Variants in KCNAB2 observed in about 807,000 individuals in gnomAD.
The protein encoded by KCNAB2 is potassium voltage-gated channel subfamily A regulatory beta subunit 2, also known as voltage-gated potassium channel subunit beta-2.
KCNAB2 carries 29 observed loss-of-function variants against 63.6 expected under a neutral mutation model. That is an observed-to-expected ratio of 0.46 (90% CI 0.34 to 0.62). KCNAB2 has a LOEUF of 0.62. Among genes scored for constraint, KCNAB2 ranks in the 20% least tolerant of loss-of-function variants. The probability of loss-of-function intolerance (pLI) is 0.01; values close to 1 mark genes in which losing one functional copy is unlikely to be tolerated. For missense variants in KCNAB2, 359 were observed against 563.9 expected, an observed-to-expected ratio of 0.64 and a Z score of 3.68; for synonymous variants, 222 against 224.2, an observed-to-expected ratio of 0.99 and a Z score of 0.09.
chr1:5,997,685 G>A (rs1225940068), intron 1 of KCNAB2, among the ~76,000 whole-genome samples: 2 of 152,276 alleles, frequency 1.3e-5, no homozygotes, highest in South Asian at 4.1e-4. Context: ...CTAGAATTCT[G>A]CCTCGGAGCC....
chr1:6,054,056 AAAG>A (rs778542488), intron 2 of KCNAB2, among the ~76,000 whole-genome samples: 52 of 151,506 alleles, frequency 3.4e-4, no homozygotes, highest in African/African-American at 4.4e-4. Context: ...AAAAAAAAAA[AAAG>A]AAGAAGAAGA....
intron 2 of KCNAB2, among the ~76,000 whole-genome samples, chr1:6,055,849 G>A (rs1557461246): frequency 6.6e-6 from 1 of 152,214 alleles, no homozygotes; most frequent in Non-Finnish European, 1.5e-5. Flanking sequence ...AATTTATTCT[G>A]TGCTTACCTC....
At chr1:6,091,388 C>G in intron 10 of KCNAB2, 81 bp downstream of exon 10, 2 of 1,042,384 alleles carry the variant, frequency 1.9e-6, no homozygotes, top group East Asian at 5.2e-5. Context: ...TTACATGATT[C>G]TTTTACCCCA....
chr1:6,015,108 C>T (rs1200366810), intron 1 of KCNAB2, among the ~76,000 whole-genome samples: 1 of 149,228 alleles, frequency 6.7e-6, no homozygotes, highest in Non-Finnish European at 1.5e-5. Flanking sequence ...CTCAGCTCAC[C>T]ACAACTTCCA....
upstream of KCNAB2, among the ~76,000 whole-genome samples, chr1:6,045,159 G>A (rs1171996588): frequency 3.9e-5 from 6 of 152,162 alleles, no homozygotes; most frequent in African/African-American, 1.4e-4. The surrounding 1 kb of genome is among the most constrained non-coding windows in gnomAD (Gnocchi z 4.8). Flanking sequence ...TGCGACTGGG[G>A]CACTGATTTC....
In KCNAB2 at chr1:6,028,924, G is replaced by C. The variant is rs1365147077; in HGVS notation, c.-52-11593G>C. Among the ~76,000 whole-genome samples, 1 of 152,208 alleles carries C rather than the reference G, an allele frequency of 6.6e-6. No homozygotes were observed. The highest frequency in any genetic ancestry group is 2.4e-5 in the African/African-American group (1 of 41,462). On this transcript the variant is annotated intron_variant, in intron 1 of 16. Coordinates refer to the KCNAB2 transcript ENST00000341524. This position sits in a 1 kb window ranked among gnomAD's most constrained non-coding sequence, Gnocchi z 4.0. ...ACCTTTGAGCTTCCAGGATGATTCG[G>C]AATTTGGATGCAGCCACAGAAAGCC...
At chr1:6,063,901 G>A (rs541376287) in intron 2 of KCNAB2, among the ~76,000 whole-genome samples, 95 of 151,370 alleles carry the variant, frequency 6.3e-4, no homozygotes, top group Admixed American at 2.6e-3. Context: ...CATAGCTAGC[G>A]GGGGGATTGC....
At chr1:6,039,495 G>A (rs1047540152) in intron 1 of KCNAB2, among the ~76,000 whole-genome samples, 2 of 152,228 alleles carry the variant, frequency 1.3e-5, no homozygotes, top group Middle Eastern at 3.4e-3. Context: ...GTGGGTGGAC[G>A]GCTGGATATT....
At position 6,100,350 on chromosome 1, in the gene KCNAB2, A is replaced by G. The variant is rs1665951095; in HGVS notation, c.*1776A>G. The G allele has an allele frequency of 7.4e-6, 2 of 268,616 alleles. No homozygotes were observed. The highest frequency in any genetic ancestry group is 1.4e-5 in the Non-Finnish European group (2 of 143,230). 16.6% of individuals were successfully genotyped at this position (268,616 alleles called of 1,614,324 possible). ...ACTCAGTCCTGCTGCCTGCTTCACCAGAAGCAGCCCTGTGAGTGTGGGGTG... is the reference window on the plus strand; with the variant it reads ...ACTCAGTCCTGCTGCCTGCTTCACCGGAAGCAGCCCTGTGAGTGTGGGGTG... On this transcript the variant is annotated 3_prime_UTR_variant, in exon 16 of 16. Coordinates refer to ENST00000378083, the MANE Select transcript of KCNAB2 (RefSeq NM_001199862.2).
chr1:6,076,103 G>A (rs1043091951), intron 4 of KCNAB2, among the ~76,000 whole-genome samples: 8 of 152,224 alleles, frequency 5.3e-5, no homozygotes, highest in Non-Finnish European at 1.0e-4. Flanking sequence ...AAGACTTGAC[G>A]TCTCCTGTTC....
chr1:6,060,692 C>T (rs1662234983), intron 2 of KCNAB2, among the ~76,000 whole-genome samples: 1 of 152,138 alleles, frequency 6.6e-6, no homozygotes, highest in African/African-American at 2.4e-5. Flanking sequence ...ATCACAAGGT[C>T]AAGAGATCGA....
At chr1:6,014,374 A>G (rs4908696) in intron 1 of KCNAB2, among the ~76,000 whole-genome samples, 18,754 of 152,342 alleles carry the variant, frequency 0.12, 1,478 homozygotes, top group Middle Eastern at 0.19. Context: ...GAGGCCACGC[A>G]GCACCACGTC....
intron 2 of KCNAB2, among the ~76,000 whole-genome samples, chr1:6,059,573 G>T (rs1347535508): frequency 6.6e-6 from 1 of 152,216 alleles, no homozygotes; most frequent in Non-Finnish European, 1.5e-5. Flanking sequence ...CAAGCAAGGA[G>T]AGGGAGCACC....
Position 6,098,725 on chromosome 1 carries a change from G to A in KCNAB2, c.*151G>A. 8.1e-6 allele frequency: 8 copies of A among 990,348 alleles called. No individual in the cohort carries two copies. Among genetic ancestry groups the A allele is most frequent in the South Asian group, 5.0e-5 (3 of 60,010 alleles). The allele number at this position is 990,348 out of a possible 1,614,324, so 61.3% of individuals were successfully genotyped here. The stretch of plus-strand genomic sequence containing the variant: ...TCATCGGGAAATGATCTCCCAAGTC[G>A]CTGCCAGACACCACCCACTGCTTCG... On this transcript the variant is annotated 3_prime_UTR_variant, in exon 16 of 16. Transcript: ENST00000378083.
rs941284514 is a variant in KCNAB2, at chr1:6,076,950, T to C, written c.300+3180T>C. On this transcript the variant is annotated intron_variant, in intron 4 of 15. Transcript: ENST00000378083. ...CCCGTAATCCCAGCACTTTGGGAGA[T>C]TGAGGCGGGTGGATCACAAGGATAG... Among the ~76,000 whole-genome samples the C allele has an allele frequency of 1.1e-4, 17 of 152,098 alleles. No individual in the cohort carries two copies. The South Asian group carries it at 2.3e-3, about 20-fold the overall frequency.
At chr1:6,067,897 G>T (rs563686470) in intron 2 of KCNAB2, among the ~76,000 whole-genome samples, 19 of 152,244 alleles carry the variant, frequency 1.2e-4, no homozygotes, top group African/African-American at 4.6e-4. Context: ...TGGGCATGGT[G>T]GTGTGCACCT....
intron 2 of KCNAB2, among the ~76,000 whole-genome samples, chr1:6,068,231 G>A (rs1662914747): frequency 6.6e-6 from 1 of 152,246 alleles, no homozygotes; most frequent in South Asian, 2.1e-4. Flanking sequence ...TTGAGGAGTG[G>A]CTCTCAGAGG....
rs1430258430 is a variant in KCNAB2 at position 6,073,830 on chromosome 1, TAA to T, written c.300+61_300+62del. On this transcript the variant is annotated intron_variant, in intron 4 of 15. Transcript: ENST00000378083. This position sits in a 1 kb window ranked among gnomAD's most constrained non-coding sequence, Gnocchi z 5.7. ...GCACGGGCTCGCCAGAGCACATGGTTAAGTCTGCCGCGTGGACCAGTGAGCAC... is the reference window on the plus strand; with the variant it reads ...GCACGGGCTCGCCAGAGCACATGGTTGTCTGCCGCGTGGACCAGTGAGCAC... 6.4e-7 allele frequency: 1 copy of T among 1,552,416 alleles called. No homozygotes were observed. The highest frequency in any genetic ancestry group is 8.9e-7 in the Non-Finnish European group (1 of 1,124,640).
chr1:6,095,777 G>A (rs559833128), intron 13 of KCNAB2, among the ~76,000 whole-genome samples, 153 bp downstream of exon 13: 4 of 152,168 alleles, frequency 2.6e-5, no homozygotes, highest in Non-Finnish European at 5.9e-5. Context: ...CTTGGCGTGA[G>A]AACATGGAGC....
Sources: gnomAD v4.1 joint callset for allele counts (sites outside exome capture counted in the v4.1 genomes callset) on GRCh38, gnomAD v4.1.1 for gene constraint, Gnocchi (gnomAD v3.1) non-coding constraint, MANE v1.5 for transcripts, NCBI Gene and HGNC (gene_info 2026-07-23, HGNC 2026-07-21) for gene names.